TYR: variants seen among roughly 807,000 people sequenced by gnomAD.
TYR encodes tyrosinase.
In TYR, 58 loss-of-function variants were observed where a neutral mutation model predicts 51.5. That is an observed-to-expected ratio of 1.13 (90% CI 0.91 to 1.40). The LOEUF is 1.40. TYR is among the 40% of genes most tolerant of loss of function. TYR has a pLI of 0.00. For missense variants in TYR, 732 were observed against 647.4 expected (o/e 1.13, Z -1.42); for synonymous variants, 263 against 235.2 (o/e 1.12, Z -1.08).
At chr11:89,218,245 T>A (rs946578377) in intron 2 of TYR, among the ~76,000 whole-genome samples, 3 of 152,190 alleles carry the variant, frequency 2.0e-5, no homozygotes, top group Non-Finnish European at 4.4e-5. Context: ...ATTTTAAAAT[T>A]ATGCCAGCAA....
chr11:89,195,257 T>C (rs189368613), intron 2 of TYR, among the ~76,000 whole-genome samples: 3 of 152,324 alleles, frequency 2.0e-5, no homozygotes, highest in Admixed American at 6.5e-5. Context: ...GAACAAAATA[T>C]TCATAGTCAT....
At chr11:89,232,000 A>G (rs1944056969) in intron 3 of TYR, among the ~76,000 whole-genome samples, 1 of 141,384 alleles carries the variant, frequency 7.1e-6, no homozygotes, top group South Asian at 2.3e-4. Context: ...AAAAAAAAAA[A>G]AGTAAATTAA....
At chr11:89,278,618 T>C (rs1380728373) in intron 3 of TYR, among the ~76,000 whole-genome samples, 1 of 151,680 alleles carries the variant, frequency 6.6e-6, no homozygotes, top group Non-Finnish European at 1.5e-5. Context: ...TATAATTATT[T>C]TATTTGTAAA....
At chr11:89,248,207 A>G (rs553914948) in intron 3 of TYR, among the ~76,000 whole-genome samples, 1 of 152,318 alleles carries the variant, frequency 6.6e-6, no homozygotes, top group Non-Finnish European at 1.5e-5. Context: ...TTAGCACACA[A>G]TTACTAGATA....
chr11:89,280,274 C>A (rs1390120776), intron 3 of TYR, among the ~76,000 whole-genome samples: 1 of 151,582 alleles, frequency 6.6e-6, no homozygotes, highest in Non-Finnish European at 1.5e-5. Flanking sequence ...ACTTTTTCTT[C>A]TTCTGGCATT....
At chr11:89,198,469 G>A (rs1046181899) in intron 2 of TYR, among the ~76,000 whole-genome samples, 10 of 151,864 alleles carry the variant, frequency 6.6e-5, no homozygotes, top group South Asian at 2.1e-4. Flanking sequence ...AAACCTTTCC[G>A]GGCCTGTTTT....
chr11:89,197,994 A>T (rs1360464281), intron 2 of TYR, among the ~76,000 whole-genome samples: 2 of 152,106 alleles, frequency 1.3e-5, no homozygotes, highest in Admixed American at 1.3e-4. Flanking sequence ...CTATTTCACC[A>T]CTTCACATGC....
chr11:89,274,840 G>A (rs12574987), intron 3 of TYR, among the ~76,000 whole-genome samples: 9,338 of 151,580 alleles, frequency 0.062, 407 homozygotes, highest in East Asian at 0.12. Context: ...TATATTGTAC[G>A]GCTTTCCCCA....
rs768298634 is a variant in TYR, at chr11:89,295,294, G to A, written c.1518G>A (p.Gln506=). The A allele has an allele frequency of 1.2e-5, 19 of 1,613,432 alleles. No homozygotes were observed. Among genetic ancestry groups the A allele is most frequent in the Admixed American group, 6.7e-5 (4 of 59,958 alleles). The part of the protein sequence containing the change: ...VSLLCRHKRK[Q]LPEEKQPLLM... ...TGCTGTGTCGTCACAAGAGAAAGCA[G>A]CTTCCTGAAGAAAAGCAGCCACTCC... The change falls in exon 5 of 5, where the codon CAG becomes CAA. Residue 506 remains glutamine, a synonymous_variant. Transcript: ENST00000263321.
At chr11:89,266,524 C>T (rs192870425) in intron 3 of TYR, among the ~76,000 whole-genome samples, 8 of 151,952 alleles carry the variant, frequency 5.3e-5, no homozygotes, top group African/African-American at 1.9e-4. Context: ...ATCCCTCCAA[C>T]AACAACAACA....
At chr11:89,221,749 C>T (rs1943914260) in intron 2 of TYR, among the ~76,000 whole-genome samples, 1 of 152,170 alleles carries the variant, frequency 6.6e-6, no homozygotes, top group African/African-American at 2.4e-5. Flanking sequence ...TGTACATTTT[C>T]TATCTTCTTT....
chr11:89,236,866 C>T (rs1180736918), intron 3 of TYR, among the ~76,000 whole-genome samples: 2 of 152,154 alleles, frequency 1.3e-5, no homozygotes, highest in African/African-American at 4.8e-5. Context: ...GTTTTGACCT[C>T]CTCCATAAAC....
At position 89,265,321 on chromosome 11, in the gene TYR, C is replaced by T. The variant is rs181104174; in HGVS notation, c.1185-19452C>T. ...TGATAAAAGGATAAGCTTTGTCAGA[C>T]GGGCCCAAAGAGGAGCTTGCTGATA... is the stretch of plus-strand genomic sequence containing the variant. On this transcript the variant is annotated intron_variant, in intron 3 of 4. Transcript: ENST00000263321. Among the ~76,000 whole-genome samples the T allele has an allele frequency of 3.8e-4, 58 of 152,104 alleles. No individual in the cohort carries two copies. In the East Asian group the frequency reaches 6.0e-3, roughly 16 times the overall value.
At chr11:89,284,424 T>C (rs1362614486) in intron 3 of TYR, among the ~76,000 whole-genome samples, 2 of 151,786 alleles carry the variant, frequency 1.3e-5, no homozygotes, top group African/African-American at 4.8e-5. Context: ...CTCTGGTCTT[T>C]CTTTGGGAAT....
At chr11:89,285,434 C>T (rs1458051033) in intron 4 of TYR, among the ~76,000 whole-genome samples, 1 of 151,552 alleles carries the variant, frequency 6.6e-6, no homozygotes, top group African/African-American at 2.4e-5. Flanking sequence ...CTAGGGTTAC[C>T]AAGAAAATTT....
chr11:89,191,354 G>C lies in TYR; in HGVS notation c.972G>C (p.Leu324Phe). 1 of 1,613,730 alleles carries C rather than the reference G, an allele frequency of 6.2e-7. No individual in the cohort carries two copies. The highest frequency in any genetic ancestry group is 2.2e-5 in the East Asian group (1 of 44,860). The change falls in exon 2 of 5, where the codon TTG becomes TTC. Residue 324 changes from leucine to phenylalanine, a missense_variant. Coordinates refer to ENST00000263321, the MANE Select transcript of TYR (RefSeq NM_000372.5). The stretch of plus-strand genomic sequence containing the variant: ...CTGATGTAGAATTTTGCCTGAGTTT[G>C]ACCCAATATGAATCTGGTTCCATGG... ...SSADVEFCLS[L>F]TQYESGSMDK...
chr11:89,193,254 A>G (rs1325569208), intron 2 of TYR, among the ~76,000 whole-genome samples: 1 of 152,094 alleles, frequency 6.6e-6, no homozygotes, highest in African/African-American at 2.4e-5. Flanking sequence ...GACAAAGCAT[A>G]TATTTTATTA....
rs181615016 is a variant in TYR at position 89,197,604 on chromosome 11, G to A, written c.1036+6186G>A. ...CTATACTTCAAAAGATATGATGTTA[G>A]TGGCATTAGTAGAATGCAGAAAGAT... On this transcript the variant is annotated intron_variant, in intron 2 of 4. Transcript: ENST00000263321. Among the ~76,000 whole-genome samples the A allele has an allele frequency of 1.8e-4, 27 of 152,212 alleles. 1 individual carries two copies. Among genetic ancestry groups the A allele is most frequent in the Admixed American group, 7.9e-4 (12 of 15,262 alleles).
At chr11:89,179,838 T>A (rs999373641) in intron 1 of TYR, among the ~76,000 whole-genome samples, 1 of 152,244 alleles carries the variant, frequency 6.6e-6, no homozygotes, top group African/African-American at 2.4e-5. Flanking sequence ...CTTAATTATT[T>A]ATCATTTTAA....
Sources: gnomAD v4.1 joint callset for allele counts (sites outside exome capture counted in the v4.1 genomes callset) on GRCh38, gnomAD v4.1.1 for gene constraint, MANE v1.5 for transcripts, NCBI Gene and HGNC (gene_info 2026-07-23, HGNC 2026-07-21) for gene names.